Variants in ARFGEF2 observed in about 807,000 individuals in gnomAD.
ARFGEF2 encodes ARF guanine nucleotide exchange factor 2.
ARFGEF2 carries 74 observed loss-of-function variants against 219.9 expected under a neutral mutation model. That is an observed-to-expected ratio of 0.34 (90% CI 0.28 to 0.41). ARFGEF2 has a LOEUF of 0.41. ARFGEF2 is among the 10% of genes least tolerant of loss of function. The pLI is 1.00. For missense variants in ARFGEF2, 1,743 were observed against 2,218.3 expected, an observed-to-expected ratio of 0.79 and a Z score of 4.30; for synonymous variants, 733 against 799.2, an observed-to-expected ratio of 0.92 and a Z score of 1.40.
intron 19 of ARFGEF2, 38 bp downstream of exon 19, chr20:48,989,474 C>T: frequency 6.2e-7 from 1 of 1,614,194 alleles, no homozygotes. Flanking sequence ...TGTGGCTAAG[C>T]CTGATTCTGA....
rs373505499 is a variant in ARFGEF2 at position 48,929,743 on chromosome 20, A to G, written c.121+7733A>G. Among the ~76,000 whole-genome samples, 15 of 152,310 alleles carry G rather than the reference A, an allele frequency of 9.8e-5. 1 individual carries two copies. The highest frequency in any genetic ancestry group is 8.3e-4 in the South Asian group (4 of 4,824). Reference sequence around the variant, plus strand: ...ACAACCTGAGTGAAGGCTCTATGGCAGAGAGGAAAACAGTTGTTGGGGAAA... The same window carrying G: ...ACAACCTGAGTGAAGGCTCTATGGCGGAGAGGAAAACAGTTGTTGGGGAAA... On this transcript the variant is annotated intron_variant, in intron 1 of 38. Coordinates refer to ENST00000371917, the MANE Select transcript of ARFGEF2 (RefSeq NM_006420.3).
At chr20:48,989,713 A>G in intron 20 of ARFGEF2, 29 bp downstream of exon 20, 1 of 1,613,760 alleles carries the variant, frequency 6.2e-7, no homozygotes, top group Non-Finnish European at 8.5e-7. Context: ...CACTCCAGAG[A>G]TACTGGTGGG....
At chr20:48,955,451 A>C (rs1312029839) in intron 6 of ARFGEF2, among the ~76,000 whole-genome samples, 2 of 152,206 alleles carry the variant, frequency 1.3e-5, no homozygotes, top group African/African-American at 4.8e-5. Flanking sequence ...CCTGCACTGA[A>C]GCCTAGGCTG....
intron 1 of ARFGEF2, among the ~76,000 whole-genome samples, chr20:48,935,783 A>G (rs1214791574): frequency 3.5e-4 from 44 of 126,430 alleles, no homozygotes; most frequent in Middle Eastern, 5.2e-3. Context: ...TGACCCCCCC[A>G]CCTCCCTCCC....
chr20:48,934,983 C>T (rs935670067), intron 1 of ARFGEF2, among the ~76,000 whole-genome samples: 2 of 152,182 alleles, frequency 1.3e-5, no homozygotes, highest in African/African-American at 4.8e-5. Context: ...AGTGTAAAAG[C>T]GTTCCTATTT....
At chr20:48,940,910 G>T (rs530578678) in intron 1 of ARFGEF2, among the ~76,000 whole-genome samples, 1 of 152,294 alleles carries the variant, frequency 6.6e-6, no homozygotes, top group Non-Finnish European at 1.5e-5. Context: ...CCAAGGCTGA[G>T]AAATCCTCCT....
chr20:48,925,651 C>T (rs2090872165), intron 1 of ARFGEF2, among the ~76,000 whole-genome samples: 1 of 152,122 alleles, frequency 6.6e-6, no homozygotes, highest in South Asian at 2.1e-4. Flanking sequence ...GCCTGTGCAA[C>T]ATGGCAAAAC....
At chr20:48,998,580 GATAA>G (rs1031465914) in intron 25 of ARFGEF2, 75 bp downstream of exon 25, 2 of 1,519,328 alleles carry the variant, frequency 1.3e-6, no homozygotes, top group Admixed American at 1.8e-5. Context: ...AAAAAGAAGT[GATAA>G]ATAATTTGCC....
chr20:48,985,503 T>C lies in ARFGEF2; in HGVS notation c.2166T>C (p.Phe722=). Residue 722 remains phenylalanine, a synonymous_variant, in exon 16 of 39, where the codon TTT becomes TTC. Coordinates refer to ENST00000371917, the MANE Select transcript of ARFGEF2 (RefSeq NM_006420.3). The stretch of plus-strand genomic sequence containing the variant: ...AACTTGACTTCTGTGAAAAAGAATT[T>C]GTCTCAGCCCTGCGGACATTCCTAG... ...VDQLDFCEKE[F]VSALRTFLEG... The C allele has an allele frequency of 1.2e-6, 2 of 1,614,210 alleles. No homozygotes were observed. The highest frequency in any genetic ancestry group is 2.2e-5 in the South Asian group (2 of 91,086).
intron 25 of ARFGEF2, among the ~76,000 whole-genome samples, chr20:49,001,441 T>C (rs1256901661): frequency 2.0e-5 from 3 of 152,144 alleles, no homozygotes; most frequent in South Asian, 2.1e-4. Flanking sequence ...GAAATAGATA[T>C]GGCTCAATCC....
chr20:48,970,304 C>T (rs764289693), intron 9 of ARFGEF2, among the ~76,000 whole-genome samples: 2 of 146,822 alleles, frequency 1.4e-5, no homozygotes, highest in African/African-American at 2.5e-5. Flanking sequence ...AACAGAGCAA[C>T]AATAAATTTT....
intron 1 of ARFGEF2, among the ~76,000 whole-genome samples, chr20:48,939,819 A>G (rs932863584): frequency 2.6e-5 from 4 of 152,184 alleles, no homozygotes. Flanking sequence ...TTGAGTCTAG[A>G]ATGGAGTTAC....
At chr20:48,950,383 A>C (rs1051931455) in intron 3 of ARFGEF2, among the ~76,000 whole-genome samples, 1 of 152,138 alleles carries the variant, frequency 6.6e-6, no homozygotes, top group African/African-American at 2.4e-5. Flanking sequence ...TCCCTCAAGC[A>C]ACCATGTTAT....
intron 36 of ARFGEF2, among the ~76,000 whole-genome samples, chr20:49,027,568 C>T (rs754850030): frequency 2.8e-4 from 43 of 151,960 alleles, no homozygotes; most frequent in Non-Finnish European, 5.1e-4. Flanking sequence ...TGGTGGCGTG[C>T]GCTTGTAGTC....
chr20:48,937,234 C>T (rs1195449485), intron 1 of ARFGEF2, among the ~76,000 whole-genome samples: 1 of 152,180 alleles, frequency 6.6e-6, no homozygotes, highest in East Asian at 1.9e-4. Context: ...GTCCTGGCCA[C>T]CTTCCTCTTT....
rs548506597 is a variant in ARFGEF2, at chr20:48,994,616, A to G, written c.3121+18A>G. On this transcript the variant is annotated intron_variant, in intron 22 of 38. Transcript: ENST00000371917. ...TGGCCTCGGTAAGACACCAGGCCCC[A>G]CAGCTAACAGTCACGGATTTGCAAG... 21 of 1,612,830 alleles carry G rather than the reference A, an allele frequency of 1.3e-5. No homozygotes were observed. Among genetic ancestry groups the G allele is most frequent in the Non-Finnish European group, 1.8e-5 (21 of 1,179,950 alleles).
At chr20:48,988,255 T>C in intron 16 of ARFGEF2, 49 bp from the exon 17 acceptor site, 1 of 1,398,614 alleles carries the variant, frequency 7.1e-7, no homozygotes, top group Non-Finnish European at 1.0e-6. Context: ...CATTGTACCT[T>C]CCAAACCGCA....
At chr20:48,974,987 C>A in intron 13 of ARFGEF2, 113 bp downstream of exon 13, 2 of 850,842 alleles carry the variant, frequency 2.4e-6, no homozygotes, top group East Asian at 5.4e-5. Flanking sequence ...TTTTAGTTTG[C>A]TAAATACCTA....
rs186613889 is a variant in ARFGEF2, at chr20:48,983,558, A to G, written c.1959-1171A>G. ...CATTCCAGGTTTCCTGTTCTGCACC[A>G]TGGCCTGACCCAGCCCCTGGCCTCC... On this transcript the variant is annotated intron_variant, in intron 14 of 38. Coordinates refer to ENST00000371917, the MANE Select transcript of ARFGEF2 (RefSeq NM_006420.3). Among the ~76,000 whole-genome samples the G allele has an allele frequency of 2.0e-3, 304 of 152,264 alleles. 9 individuals are homozygous for G. The highest frequency in any genetic ancestry group is 0.019 in the Admixed American group (296 of 15,286).
Sources: allele counts gnomAD v4.1 joint callset (sites outside exome capture counted in the v4.1 genomes callset), GRCh38; gene constraint gnomAD v4.1.1; transcripts MANE v1.5; gene names NCBI Gene and HGNC (gene_info 2026-07-23, HGNC 2026-07-21).